The following CACNA2D2 variants were observed in gnomAD, a reference collection of about 807,000 sequenced individuals.
CACNA2D2 encodes voltage-dependent calcium channel subunit alpha-2/delta-2.
A neutral mutation model predicts 166.4 loss-of-function variants in CACNA2D2; 48 were observed. The observed-to-expected ratio is 0.29, with a 90% CI of 0.23 to 0.37. CACNA2D2 has a LOEUF of 0.37. Ranked by LOEUF, CACNA2D2 falls within the 10% of genes least tolerant of loss-of-function variation. CACNA2D2 has a pLI of 1.00. For synonymous variants in CACNA2D2, 561 were observed against 573.7 expected (o/e 0.98, Z 0.32); for missense variants, 1,122 against 1,433.0 (o/e 0.78, Z 3.50).
rs1425582487 is a variant in CACNA2D2, at chr3:50,379,791, C to T, written c.927G>A (p.Leu309=). The T allele has an allele frequency of 1.9e-6, 3 of 1,613,956 alleles. No individual in the cohort carries two copies. The highest frequency in any genetic ancestry group is 3.3e-5 in the Admixed American group (2 of 60,030). The change falls in exon 10 of 38, where the codon CTG becomes CTA. Residue 309 remains leucine, a synonymous_variant. Transcript: ENST00000424201. This position sits in a 1 kb window ranked among gnomAD's most constrained non-coding sequence, Gnocchi z 6.5. Reference sequence around the variant, plus strand: ...GCATCTCGCAGACAGATGTCTTCATCAGCTTCAGGGTCAGGCCGCTCACAC... The same window carrying T: ...GCATCTCGCAGACAGATGTCTTCATTAGCTTCAGGGTCAGGCCGCTCACAC... ...SGSVSGLTLK[L]MKTSVCEMLD...
chr3:50,468,885 G>A (rs1382858032), intron 2 of CACNA2D2, among the ~76,000 whole-genome samples: 1 of 148,278 alleles, frequency 6.7e-6, no homozygotes, highest in East Asian at 2.0e-4. Context: ...GTGGAGTGCA[G>A]TGGAGCGATC....
intron 1 of CACNA2D2, among the ~76,000 whole-genome samples, chr3:50,483,511 G>C (rs1483284846): frequency 6.6e-6 from 1 of 152,222 alleles, no homozygotes; most frequent in Non-Finnish European, 1.5e-5. Context: ...CTGGGAGGCA[G>C]CAGTCTGTGC....
rs142744837 is a variant in CACNA2D2, at chr3:50,362,701, C to T, written c.*1965G>A. On this transcript the variant is annotated 3_prime_UTR_variant, in exon 38 of 38. Transcript: ENST00000424201. ...GGGACCTGGGCTACCATGGTCTTCA[C>T]CCCCTGCAGAGCACTAAGTGGGACT... 2.2e-3 allele frequency: 336 copies of T among 156,206 alleles called. 1 individual carries two copies. Among genetic ancestry groups the T allele is most frequent in the African/African-American group, 7.8e-3 (324 of 41,698 alleles). The allele number at this position is 156,206 out of a possible 1,614,324, so 9.7% of individuals were successfully genotyped here.
chr3:50,457,016 G>A (rs1709385921), intron 2 of CACNA2D2, among the ~76,000 whole-genome samples: 1 of 152,238 alleles, frequency 6.6e-6, no homozygotes, highest in South Asian at 2.1e-4. Flanking sequence ...TTGGGAGGCT[G>A]AGGCAGGCAG....
chr3:50,373,816 G>C (rs976335796), intron 22 of CACNA2D2, among the ~76,000 whole-genome samples: 1 of 114,796 alleles, frequency 8.7e-6, no homozygotes, highest in Admixed American at 8.5e-5. Flanking sequence ...GGAGAAGGAT[G>C]AGAGGGTAAG....
At position 50,369,654 on chromosome 3, in the gene CACNA2D2, C is replaced by T. The variant is rs78294703; in HGVS notation, c.2045+666G>A. ...CCTGGGTCATGGAAGGGCTTCAGCACCCAGGGGACCCGGCCTCCCCAGACA... is the reference window on the plus strand; with the variant it reads ...CCTGGGTCATGGAAGGGCTTCAGCATCCAGGGGACCCGGCCTCCCCAGACA... On this transcript the variant is annotated intron_variant, in intron 23 of 37. Transcript: ENST00000424201. Among the ~76,000 whole-genome samples, 521 of 152,380 alleles carry T rather than the reference C, an allele frequency of 3.4e-3. 2 individuals carry two copies. Among genetic ancestry groups the T allele is most frequent in the African/African-American group, 0.012 (499 of 41,584 alleles).
At chr3:50,425,071 C>T (rs1559935124) in intron 3 of CACNA2D2, among the ~76,000 whole-genome samples, 1 of 152,170 alleles carries the variant, frequency 6.6e-6, no homozygotes, top group Non-Finnish European at 1.5e-5. Context: ...TGACTGGCCG[C>T]TCCCAGGGCC....
chr3:50,466,794 G>A (rs1376338546), intron 2 of CACNA2D2, among the ~76,000 whole-genome samples: 1 of 152,216 alleles, frequency 6.6e-6, no homozygotes, highest in Non-Finnish European at 1.5e-5. Flanking sequence ...CCTGCCTTCC[G>A]GCCATGGTCT....
At chr3:50,407,949 G>T (rs950644274) in intron 3 of CACNA2D2, among the ~76,000 whole-genome samples, 4 of 152,194 alleles carry the variant, frequency 2.6e-5, no homozygotes, top group African/African-American at 9.7e-5. Context: ...ATTCTCCTGG[G>T]CCTCCCTGGA....
At chr3:50,392,326 C>T (rs1705927466) in intron 4 of CACNA2D2, among the ~76,000 whole-genome samples, 1 of 152,184 alleles carries the variant, frequency 6.6e-6, no homozygotes, top group Non-Finnish European at 1.5e-5. Context: ...TGATGCCTTT[C>T]AGCCTGGCAG....
intron 2 of CACNA2D2, among the ~76,000 whole-genome samples, chr3:50,475,883 C>G (rs1228725102): frequency 6.6e-6 from 1 of 152,192 alleles, no homozygotes; most frequent in Non-Finnish European, 1.5e-5. Flanking sequence ...CTTTCAGCAA[C>G]AGGGTCATCG....
intron 2 of CACNA2D2, among the ~76,000 whole-genome samples, chr3:50,438,408 C>G (rs1369732465): frequency 6.6e-6 from 1 of 152,216 alleles, no homozygotes; most frequent in African/African-American, 2.4e-5. Flanking sequence ...CCGGCCAGCC[C>G]TCCATCCTAG....
chr3:50,446,503 C>T (rs1177331294), intron 2 of CACNA2D2, among the ~76,000 whole-genome samples: 1 of 152,226 alleles, frequency 6.6e-6, no homozygotes, highest in Non-Finnish European at 1.5e-5. Flanking sequence ...CCTGTAACTC[C>T]TCTTCAGGCC....
chr3:50,365,643 C>A lies in CACNA2D2; in HGVS notation c.2961G>T (p.Trp987Cys). 1 of 1,579,692 alleles carries A rather than the reference C, an allele frequency of 6.3e-7. No homozygotes were observed. The highest frequency in any genetic ancestry group is 8.6e-7 in the Non-Finnish European group (1 of 1,162,868). ...CAAAGCCCTACCTACCTGCTTGGAA[C>A]CAGCTGTGGTAGATGAGGCCGTAGA... ...QLLYGLIYHS[W>C]FQADPAEAEG... Residue 987 changes from tryptophan (W) to cysteine (C), a missense_variant, in exon 34 of 38, where the codon TGG becomes TGT. Coordinates refer to ENST00000424201, the MANE Select transcript of CACNA2D2 (RefSeq NM_006030.4). This position sits in a 1 kb window ranked among gnomAD's most constrained non-coding sequence, Gnocchi z 4.5.
chr3:50,405,221 G>A (rs1444448058), intron 3 of CACNA2D2, among the ~76,000 whole-genome samples: 1 of 152,162 alleles, frequency 6.6e-6, no homozygotes, highest in Non-Finnish European at 1.5e-5. Flanking sequence ...GCCCGATGGG[G>A]CACTGGTTGG....
chr3:50,490,225 T>G (rs1698468371), intron 1 of CACNA2D2, among the ~76,000 whole-genome samples: 2 of 152,146 alleles, frequency 1.3e-5, no homozygotes. Flanking sequence ...GCACAGGCAT[T>G]TGGGTTCAGC....
At chr3:50,420,754 G>GGC (rs1707516953) in intron 3 of CACNA2D2, among the ~76,000 whole-genome samples, 2 of 152,166 alleles carry the variant, frequency 1.3e-5, no homozygotes, top group Non-Finnish European at 2.9e-5. Context: ...CCTGGCAACT[G>GGC]GCACAGCCCA....
intron 3 of CACNA2D2, among the ~76,000 whole-genome samples, chr3:50,413,392 C>T (rs145257594): frequency 1.3e-5 from 2 of 152,268 alleles, no homozygotes; most frequent in Non-Finnish European, 2.9e-5. Context: ...CAACTCTCTC[C>T]AACCCCTGAC....
chr3:50,500,892 T>G (rs919340023), intron 1 of CACNA2D2, among the ~76,000 whole-genome samples: 1 of 152,018 alleles, frequency 6.6e-6, no homozygotes, highest in Admixed American at 6.5e-5. Context: ...ATTGCAGAAA[T>G]CATAGCTAGC....
Sources: gnomAD v4.1 joint callset for allele counts (sites outside exome capture counted in the v4.1 genomes callset) on GRCh38, gnomAD v4.1.1 for gene constraint, Gnocchi (gnomAD v3.1) non-coding constraint, MANE v1.5 for transcripts, NCBI Gene and HGNC (gene_info 2026-07-23, HGNC 2026-07-21) for gene names.